The following PHACTR1 variants were observed in gnomAD, a reference collection of about 807,000 sequenced individuals.
PHACTR1 encodes RPEL repeat containing 1.
In PHACTR1, 16 loss-of-function variants were observed where a neutral mutation model predicts 69.2. That is an observed-to-expected ratio of 0.23 (90% CI 0.16 to 0.35). The LOEUF (loss-of-function observed/expected upper bound fraction) is 0.35, where lower values mean the gene tolerates loss of function less well. Among genes scored for constraint, PHACTR1 ranks in the 10% least tolerant of loss-of-function variants. PHACTR1 has a pLI of 1.00. For missense variants in PHACTR1, 510 were observed against 734.7 expected, an observed-to-expected ratio of 0.69 and a Z score of 3.54; for synonymous variants, 312 against 284.5, an observed-to-expected ratio of 1.10 and a Z score of -0.97.
intron 4 of PHACTR1, among the ~76,000 whole-genome samples, chr6:12,921,494 A>AGGAG (rs1197736990): frequency 7.6e-6 from 1 of 132,338 alleles, no homozygotes; most frequent in African/African-American, 2.8e-5. Flanking sequence ...GAGGGAAGGA[A>AGGAG]GGAAGGAAAG....
chr6:13,251,724 C>T (rs189217347), intron 10 of PHACTR1, among the ~76,000 whole-genome samples: 45 of 152,260 alleles, frequency 3.0e-4, no homozygotes, highest in African/African-American at 9.4e-4. Flanking sequence ...GTTATCTGCG[C>T]TCTCAAGGGC....
intron 6 of PHACTR1, among the ~76,000 whole-genome samples, chr6:13,165,773 TC>T (rs1157624571): frequency 3.3e-5 from 5 of 151,972 alleles, no homozygotes; most frequent in African/African-American, 1.2e-4. Flanking sequence ...TGAAACCTGG[TC>T]CTACTACAAC....
At chr6:13,198,903 C>T (rs1210887842) in intron 7 of PHACTR1, among the ~76,000 whole-genome samples, 2 of 152,162 alleles carry the variant, frequency 1.3e-5, no homozygotes, top group African/African-American at 4.8e-5. Context: ...GATTTTGTGC[C>T]TCTTTGCCTG....
At chr6:13,272,057 A>G (rs933641433) in intron 10 of PHACTR1, among the ~76,000 whole-genome samples, 4 of 152,240 alleles carry the variant, frequency 2.6e-5, no homozygotes, top group Non-Finnish European at 4.4e-5. Context: ...ATAATTACCA[A>G]AAGCTTCAAA....
intron 4 of PHACTR1, among the ~76,000 whole-genome samples, chr6:13,043,201 T>C (rs964817045): frequency 6.6e-5 from 10 of 151,996 alleles, no homozygotes; most frequent in Non-Finnish European, 1.3e-4. Context: ...CCGAGGTGGG[T>C]GGATCACTTG....
chr6:12,831,161 C>T lies in PHACTR1; in HGVS notation c.250+81371C>T, dbSNP rs116169432. Among the ~76,000 whole-genome samples, 1,384 of 152,242 alleles carry T rather than the reference C, an allele frequency of 9.1e-3. 21 individuals are homozygous for T. Among genetic ancestry groups the T allele is most frequent in the African/African-American group, 0.032 (1,311 of 41,534 alleles). On this transcript the variant is annotated intron_variant, in intron 4 of 14. Coordinates refer to ENST00000332995, the MANE Select transcript of PHACTR1 (RefSeq NM_030948.6). ...TATGTTTTCTTATTAAAAATCATTG[C>T]TCTGTGCATAGTAGTTGCTCAAGAA...
At chr6:13,049,155 T>C (rs1465325741) in intron 4 of PHACTR1, among the ~76,000 whole-genome samples, 1 of 152,254 alleles carries the variant, frequency 6.6e-6, no homozygotes, top group East Asian at 1.9e-4. Flanking sequence ...GCACTTCTAA[T>C]TTCATATCAT....
At chr6:12,840,718 A>G (rs1778602998) in intron 4 of PHACTR1, among the ~76,000 whole-genome samples, 1 of 152,202 alleles carries the variant, frequency 6.6e-6, no homozygotes, top group South Asian at 2.1e-4. Flanking sequence ...CATCTCTACC[A>G]AAAGGAAAGT....
intron 10 of PHACTR1, 65 bp downstream of exon 10, chr6:13,230,258 G>T: frequency 6.4e-7 from 1 of 1,563,336 alleles, no homozygotes; most frequent in Non-Finnish European, 8.7e-7. Context: ...TCTAGCAAAA[G>T]AATTCAGTCT....
chr6:12,892,833 A>G (rs757728158), intron 4 of PHACTR1, among the ~76,000 whole-genome samples: 5 of 152,256 alleles, frequency 3.3e-5, no homozygotes, highest in Admixed American at 2.0e-4. Context: ...ATTAAGCAGC[A>G]TAAGTTCCAC....
In PHACTR1 at chr6:13,021,134, C is replaced by T. The variant is rs138246898; in HGVS notation, c.251-32231C>T. On this transcript the variant is annotated intron_variant, in intron 4 of 14. Coordinates refer to ENST00000332995, the MANE Select transcript of PHACTR1 (RefSeq NM_030948.6). ...CATTTTCCTTACACCTAAAAAGCAA[C>T]TCTGTTCCCCTTAACCTATCCATTC... Among the ~76,000 whole-genome samples the T allele has an allele frequency of 5.9e-3, 892 of 152,298 alleles. 9 individuals carry two copies. Among genetic ancestry groups the T allele is most frequent in the Middle Eastern group, 0.034 (10 of 294 alleles).
Position 12,935,267 on chromosome 6 carries a change from C to T in PHACTR1, c.251-118098C>T, listed in dbSNP as rs150460999. Among the ~76,000 whole-genome samples, 43 of 151,622 alleles carry T rather than the reference C, an allele frequency of 2.8e-4. 1 individual carries two copies. In the East Asian group the frequency reaches 8.1e-3, roughly 29 times the overall value. On this transcript the variant is annotated intron_variant, in intron 4 of 14. Transcript: ENST00000332995. ...ATTTTTATTTTTATTTTTTTAAGAC[C>T]GAGTCTCACTCTGTCACCCAGGCTG...
intron 4 of PHACTR1, among the ~76,000 whole-genome samples, chr6:12,976,337 T>A (rs181541819): frequency 1.3e-5 from 2 of 152,314 alleles, no homozygotes; most frequent in African/African-American, 4.8e-5. Context: ...TTAAATAAGG[T>A]TTGACTTATG....
chr6:13,196,901 C>G (rs1764515787), intron 7 of PHACTR1, among the ~76,000 whole-genome samples: 1 of 152,238 alleles, frequency 6.6e-6, no homozygotes, highest in South Asian at 2.1e-4. Context: ...CACCTCTGCT[C>G]TTTTCCACTG....
chr6:13,108,278 C>CT (rs34943005), intron 5 of PHACTR1, among the ~76,000 whole-genome samples: 36,315 of 151,898 alleles, frequency 0.24, 4,734 homozygotes, highest in African/African-American at 0.34. Context: ...TTTAATGAGA[C>CT]TTTTTTATGG....
intron 4 of PHACTR1, among the ~76,000 whole-genome samples, chr6:12,945,326 A>G (rs908368416): frequency 1.3e-5 from 2 of 152,114 alleles, no homozygotes; most frequent in Non-Finnish European, 2.9e-5. Flanking sequence ...CTCTTACTGC[A>G]TTTTGTGGTT....
intron 4 of PHACTR1, among the ~76,000 whole-genome samples, chr6:12,882,703 A>G (rs1483659248): frequency 1.3e-5 from 2 of 152,182 alleles, no homozygotes; most frequent in African/African-American, 4.8e-5. Context: ...GTTGGAGCAA[A>G]CCCTATCGCC....
chr6:13,231,015 G>C (rs147400416), intron 10 of PHACTR1, among the ~76,000 whole-genome samples: 1,974 of 142,618 alleles, frequency 0.014, 92 homozygotes, highest in African/African-American at 0.05. Flanking sequence ...GAGAGAGAGA[G>C]AAGGAAAGAA....
chr6:12,936,797 C>CA (rs967340938), intron 4 of PHACTR1, among the ~76,000 whole-genome samples: 8 of 152,172 alleles, frequency 5.3e-5, no homozygotes. Context: ...AAAAAGAAGG[C>CA]AAAAAGACAG....
Sources: allele counts gnomAD v4.1 joint callset (sites outside exome capture counted in the v4.1 genomes callset), GRCh38; gene constraint gnomAD v4.1.1; transcripts MANE v1.5; gene names NCBI Gene and HGNC (gene_info 2026-07-23, HGNC 2026-07-21).